Variants in SYN2 observed in about 807,000 individuals in gnomAD.
SYN2 encodes synapsin-2.
In SYN2, 19 loss-of-function variants were observed where a neutral mutation model predicts 50.9. That is an observed-to-expected ratio of 0.37 (90% CI 0.26 to 0.55). The LOEUF (loss-of-function observed/expected upper bound fraction) is 0.55. SYN2 is among the 20% of genes least tolerant of loss of function. SYN2 has a pLI of 0.81. For synonymous variants in SYN2, 255 were observed against 224.9 expected (o/e 1.13, Z -1.20); for missense variants, 587 against 576.4 (o/e 1.02, Z -0.19).
At chr3:12,106,542 C>T (rs926338274) in intron 1 of SYN2, among the ~76,000 whole-genome samples, 1 of 152,086 alleles carries the variant, frequency 6.6e-6, no homozygotes, top group East Asian at 1.9e-4. Flanking sequence ...CACATCATAA[C>T]GTTTAGTAAA....
At chr3:12,055,248 T>A (rs1221517564) in intron 1 of SYN2, among the ~76,000 whole-genome samples, 2 of 152,142 alleles carry the variant, frequency 1.3e-5, no homozygotes, top group Non-Finnish European at 2.9e-5. Context: ...ATTCCCCATG[T>A]ATTTTGAAAA....
Position 12,108,844 on chromosome 3 carries a change from GT to G in SYN2, c.378-31794del, listed in dbSNP as rs59521769. On this transcript the variant is annotated intron_variant, in intron 1 of 12. Transcript: ENST00000621198. Reference sequence around the variant, plus strand: ...AAACATATAATCAGTTTAGGAGCCAGTTTTTTTTTTTTTCCAGTTTTTCTTG... The same window carrying G: ...AAACATATAATCAGTTTAGGAGCCAGTTTTTTTTTTTTCCAGTTTTTCTTG... 3.5e-3 allele frequency among the ~76,000 whole-genome samples: 503 copies of G among 143,074 alleles called. 3 individuals carry two copies. Among genetic ancestry groups the G allele is most frequent in the African/African-American group, 0.01 (405 of 39,136 alleles). The allele number at this position is 143,074 out of a possible 152,430, so 93.9% of individuals were successfully genotyped here. A position where few individuals can be genotyped will look rare whatever the true frequency, so the allele number is the denominator to read the frequency against.
In SYN2 at chr3:12,140,835, CCT is replaced by C. The variant is rs199505434; in HGVS notation, c.435+135_435+136del. 6 of 694,190 alleles carry C rather than the reference CCT, an allele frequency of 8.6e-6. No homozygotes were observed. In the East Asian group the frequency reaches 1.1e-4, roughly 13 times the overall value. 43.0% of individuals were successfully genotyped at this position (694,190 alleles called of 1,614,324 possible). ...TCATTGGGTTCTGGACTCTGCATCT[CCT>C]CTCTCTCCTATCCTTTCCCCAGGAC... On this transcript the variant is annotated intron_variant, in intron 2 of 12. Transcript: ENST00000621198.
intron 1 of SYN2, among the ~76,000 whole-genome samples, chr3:12,048,344 T>G (rs557929850): frequency 6.6e-6 from 1 of 152,270 alleles, no homozygotes; most frequent in African/African-American, 2.4e-5. Flanking sequence ...ATTTTTGTAT[T>G]TTTTGTAGAG....
At chr3:12,028,144 C>T (rs917301552) in intron 1 of SYN2, among the ~76,000 whole-genome samples, 15 of 141,388 alleles carry the variant, frequency 1.1e-4, no homozygotes, top group African/African-American at 2.4e-4. Flanking sequence ...TTGTTCTTGG[C>T]GATAGTTTAC....
At chr3:12,158,896 C>T (rs1697551431) in intron 5 of SYN2, 1 of 1,466,226 alleles carries the variant, frequency 6.8e-7, no homozygotes. Context: ...ACGGCCCCAG[C>T]AGGGCTCCTT....
chr3:12,068,246 T>C (rs1193497472), intron 1 of SYN2, among the ~76,000 whole-genome samples: 14 of 151,834 alleles, frequency 9.2e-5, no homozygotes, highest in Admixed American at 9.2e-4. Flanking sequence ...TACTTATTGA[T>C]AGTTTGCTGG....
chr3:12,055,407 T>G (rs1293595566), intron 1 of SYN2, among the ~76,000 whole-genome samples: 1 of 152,126 alleles, frequency 6.6e-6, no homozygotes, highest in Non-Finnish European at 1.5e-5. Flanking sequence ...CAAGAAAGCT[T>G]TAAAAATGAA....
intron 1 of SYN2, among the ~76,000 whole-genome samples, chr3:12,016,088 T>G (rs1421823624): frequency 2.0e-5 from 3 of 152,214 alleles, no homozygotes; most frequent in African/African-American, 7.2e-5. Context: ...TCTTTTATAT[T>G]TCTAGATTCC....
chr3:12,081,757 A>T (rs1285262320), intron 1 of SYN2, among the ~76,000 whole-genome samples: 7 of 152,122 alleles, frequency 4.6e-5, no homozygotes, highest in Admixed American at 4.6e-4. Context: ...CCCTGTGTTC[A>T]TACTGCTTAC....
intron 1 of SYN2, among the ~76,000 whole-genome samples, chr3:12,025,930 G>C (rs1002377075): frequency 3.9e-5 from 6 of 152,206 alleles, no homozygotes; most frequent in African/African-American, 1.4e-4. Context: ...GACTAGCCAA[G>C]CCTCTTGTTT....
At chr3:12,052,785 G>C (rs993621192) in intron 1 of SYN2, among the ~76,000 whole-genome samples, 2 of 152,052 alleles carry the variant, frequency 1.3e-5, no homozygotes, top group Admixed American at 6.5e-5. Flanking sequence ...GTTTTTTTTA[G>C]GCCAAAGCAT....
At chr3:12,056,853 A>C (rs1695001745) in intron 1 of SYN2, among the ~76,000 whole-genome samples, 1 of 152,112 alleles carries the variant, frequency 6.6e-6, no homozygotes. Flanking sequence ...CCCTCCTAAA[A>C]AGTTGTGTCC....
At position 12,047,987 on chromosome 3, in the gene SYN2, A is replaced by G. The variant is rs185048531; in HGVS notation, c.377+43059A>G. ...TTGGTACCTGATTGTGAGACCCTCTACAAGTTACGTACGTTGTGTATTCCA... is the reference window on the plus strand; with the variant it reads ...TTGGTACCTGATTGTGAGACCCTCTGCAAGTTACGTACGTTGTGTATTCCA... On this transcript the variant is annotated intron_variant, in intron 1 of 12. Coordinates refer to ENST00000621198, the MANE Select transcript of SYN2 (RefSeq NM_133625.6). 3.5e-3 allele frequency among the ~76,000 whole-genome samples: 530 copies of G among 152,348 alleles called. 2 individuals are homozygous for G. Among genetic ancestry groups the G allele is most frequent in the Non-Finnish European group, 6.2e-3 (421 of 68,034 alleles).
intron 1 of SYN2, among the ~76,000 whole-genome samples, chr3:12,107,631 C>T (rs767806239): frequency 4.6e-5 from 7 of 152,152 alleles, no homozygotes; most frequent in Non-Finnish European, 8.8e-5. Flanking sequence ...CCAGTGAGTG[C>T]GGTGGCTCAC....
At chr3:12,043,451 A>G (rs188219055) in intron 1 of SYN2, among the ~76,000 whole-genome samples, 1 of 152,312 alleles carries the variant, frequency 6.6e-6, no homozygotes, top group African/African-American at 2.4e-5. Flanking sequence ...AGGGTCTCCT[A>G]TATAACCCGG....
intron 1 of SYN2, among the ~76,000 whole-genome samples, chr3:12,091,084 C>T (rs921560019): frequency 2.0e-5 from 3 of 152,064 alleles, no homozygotes; most frequent in African/African-American, 4.8e-5. Flanking sequence ...GGGCTTAAGT[C>T]TAGAAGAATG....
chr3:12,098,725 A>G (rs758118053), intron 1 of SYN2, among the ~76,000 whole-genome samples: 2 of 151,716 alleles, frequency 1.3e-5, no homozygotes, highest in Non-Finnish European at 2.9e-5. Flanking sequence ...ATTACATTAA[A>G]TGAAATTAGA....
At chr3:12,160,099 G>A (rs980594688) in intron 5 of SYN2, among the ~76,000 whole-genome samples, 1 of 151,806 alleles carries the variant, frequency 6.6e-6, no homozygotes. Flanking sequence ...AGGGGACTTG[G>A]GGGTGACTGT....
Sources: allele counts gnomAD v4.1 joint callset (sites outside exome capture counted in the v4.1 genomes callset), GRCh38; gene constraint gnomAD v4.1.1; transcripts MANE v1.5; gene names NCBI Gene and HGNC (gene_info 2026-07-23, HGNC 2026-07-21).